The following NSUN6 variants were observed in gnomAD, a reference collection of about 807,000 sequenced individuals.
NSUN6 encodes the protein NOP2/Sun RNA methyltransferase 6, also known as tRNA (cytosine(72)-C(5))-methyltransferase NSUN6.
Under a neutral mutation model 58.0 loss-of-function variants are expected in NSUN6, and 64 were observed. The ratio of observed to expected loss-of-function variants is 1.10; its 90% CI spans 0.90 to 1.36. NSUN6 has a LOEUF of 1.36. NSUN6 is among the 40% of genes most tolerant of loss of function. The pLI, the probability that NSUN6 is intolerant of heterozygous loss-of-function variation, is 0.00. For synonymous variants in NSUN6, 231 were observed against 193.9 expected, an observed-to-expected ratio of 1.19 and a Z score of -1.59; for missense variants, 701 against 550.1, an observed-to-expected ratio of 1.27 and a Z score of -2.74.
At chr10:18,638,767 T>A (rs937358535) in intron 3 of NSUN6, among the ~76,000 whole-genome samples, 1 of 151,860 alleles carries the variant, frequency 6.6e-6, no homozygotes, top group Non-Finnish European at 1.5e-5. Context: ...ACGCAGTACA[T>A]AAAAGGCACA....
At chr10:18,560,547 G>A (rs1239828297) in intron 8 of NSUN6, among the ~76,000 whole-genome samples, 1 of 151,568 alleles carries the variant, frequency 6.6e-6, no homozygotes, top group Non-Finnish European at 1.5e-5. Context: ...ATACGGAATG[G>A]AATGCAGTGG....
At chr10:18,593,937 T>A (rs2057478003) in intron 7 of NSUN6, among the ~76,000 whole-genome samples, 1 of 151,068 alleles carries the variant, frequency 6.6e-6, no homozygotes. Context: ...CAGTGGCTCA[T>A]GCCTGTAATC....
Position 18,624,486 on chromosome 10 carries a change from T to TA in NSUN6, c.312-8194dup, listed in dbSNP as rs773278968. On this transcript the variant is annotated intron_variant, in intron 3 of 10. Coordinates refer to ENST00000377304, the MANE Select transcript of NSUN6 (RefSeq NM_182543.5). ...GTCAGGAGATTGAGACCATCCTGGC[T>TA]AAAAAAATACAAAAAAAAAATTAGC... Among the ~76,000 whole-genome samples, 228 of 149,942 alleles carry TA rather than the reference T, an allele frequency of 1.5e-3. 3 individuals are homozygous for TA. Among genetic ancestry groups the TA allele is most frequent in the Non-Finnish European group, 2.1e-3 (139 of 67,504 alleles).
At chr10:18,593,673 CAG>C (rs1391267763) in intron 7 of NSUN6, among the ~76,000 whole-genome samples, 1 of 151,952 alleles carries the variant, frequency 6.6e-6, no homozygotes, top group East Asian at 1.9e-4. Context: ...CACATGGACA[CAG>C]GGAGGGGAAC....
intron 5 of NSUN6, among the ~76,000 whole-genome samples, chr10:18,612,723 C>T (rs954548696): frequency 2.6e-5 from 4 of 152,258 alleles, no homozygotes; most frequent in Admixed American, 6.5e-5. Context: ...CTTAACATAA[C>T]GAAGAATAAT....
chr10:18,570,409 C>CTTCCATTCTCCA (rs559521244), intron 8 of NSUN6, among the ~76,000 whole-genome samples: 4 of 148,556 alleles, frequency 2.7e-5, no homozygotes, highest in African/African-American at 4.9e-5. Flanking sequence ...ATTCCATTCC[C>CTTCCATTCTCCA]TTCCATTCTC....
At chr10:18,601,887 C>A (rs2057855724) in intron 6 of NSUN6, among the ~76,000 whole-genome samples, 2 of 151,156 alleles carry the variant, frequency 1.3e-5, no homozygotes, top group South Asian at 4.2e-4. Flanking sequence ...GGCAGGAGAA[C>A]TGCTTCAACC....
chr10:18,580,212 C>T (rs894768178), intron 8 of NSUN6, among the ~76,000 whole-genome samples: 1 of 152,172 alleles, frequency 6.6e-6, no homozygotes, highest in Admixed American at 6.5e-5. Context: ...AATGAAGAAA[C>T]ATTTATTTAA....
At chr10:18,608,707 A>G (rs1337380405) in intron 6 of NSUN6, among the ~76,000 whole-genome samples, 1 of 152,008 alleles carries the variant, frequency 6.6e-6, no homozygotes, top group Non-Finnish European at 1.5e-5. Flanking sequence ...GAGAAAACTA[A>G]CATTGCATTA....
At chr10:18,570,516 A>G (rs2056287024) in intron 8 of NSUN6, among the ~76,000 whole-genome samples, 1 of 137,734 alleles carries the variant, frequency 7.3e-6, no homozygotes, top group Non-Finnish European at 1.5e-5. Flanking sequence ...TTTCCATTCC[A>G]TTCTCCATTC....
chr10:18,654,942 G>C (rs890071037), upstream of NSUN6: 9 of 269,208 alleles, frequency 3.3e-5, no homozygotes, highest in Non-Finnish European at 5.1e-5. Flanking sequence ...ATTTAGTTAA[G>C]AATACTGCCA....
At chr10:18,633,290 C>G (rs1325719868) in intron 3 of NSUN6, among the ~76,000 whole-genome samples, 1 of 149,910 alleles carries the variant, frequency 6.7e-6, no homozygotes, top group Non-Finnish European at 1.5e-5. Context: ...GGAGGGATAG[C>G]ATTGGGAGAT....
At chr10:18,556,188 TGGAATGA>T (rs2055005423) in intron 8 of NSUN6, among the ~76,000 whole-genome samples, 1 of 146,096 alleles carries the variant, frequency 6.8e-6, no homozygotes, top group Non-Finnish European at 1.5e-5. Context: ...CAGAGTGGAA[TGGAATGA>T]AGAATGAAGA....
At chr10:18,558,272 G>A (rs1268059856) in intron 8 of NSUN6, among the ~76,000 whole-genome samples, 1 of 151,224 alleles carries the variant, frequency 6.6e-6, no homozygotes, top group Non-Finnish European at 1.5e-5. Flanking sequence ...GAAGGGAATG[G>A]AATGGAGAAT....
At chr10:18,635,940 G>T (rs2059200530) in intron 3 of NSUN6, among the ~76,000 whole-genome samples, 1 of 150,656 alleles carries the variant, frequency 6.6e-6, no homozygotes, top group Non-Finnish European at 1.5e-5. Flanking sequence ...AGTTCAATAA[G>T]TAAGAATTCC....
intron 3 of NSUN6, among the ~76,000 whole-genome samples, chr10:18,629,666 C>T (rs1026591175): frequency 3.3e-5 from 5 of 151,922 alleles, no homozygotes; most frequent in African/African-American, 4.8e-5. Context: ...AAGGTCATTA[C>T]ATAATGGTAA....
chr10:18,596,017 G>A (rs1040581645), intron 7 of NSUN6, among the ~76,000 whole-genome samples, 191 bp downstream of exon 7: 3 of 152,066 alleles, frequency 2.0e-5, no homozygotes, highest in Admixed American at 1.3e-4. Flanking sequence ...AATTCAAGAC[G>A]GTCTTGAGAC....
At chr10:18,624,600 C>T (rs1260604438) in intron 3 of NSUN6, among the ~76,000 whole-genome samples, 1 of 130,494 alleles carries the variant, frequency 7.7e-6, no homozygotes, top group East Asian at 2.6e-4. Flanking sequence ...GCAGTGAGAG[C>T]TCCTGGCACT....
In NSUN6 at chr10:18,631,039, A is replaced by T. The variant is rs1196963180; in HGVS notation, c.311+11437T>A. ...GGCAAACCGAATCCAGCAGCACATC[A>T]AAAAGCTTATCCACCATGATCAAGT... is the stretch of plus-strand genomic sequence containing the variant. On this transcript the variant is annotated intron_variant, in intron 3 of 10. Transcript: ENST00000377304. 2.6e-5 allele frequency among the ~76,000 whole-genome samples: 4 copies of T among 152,054 alleles called. No individual in the cohort carries two copies. The South Asian group carries it at 8.3e-4, about 32-fold the overall frequency.
Sources: gnomAD v4.1 joint callset for allele counts (sites outside exome capture counted in the v4.1 genomes callset) on GRCh38, gnomAD v4.1.1 for gene constraint, MANE v1.5 for transcripts, NCBI Gene and HGNC (gene_info 2026-07-23, HGNC 2026-07-21) for gene names.